Variants in PLAAT5 observed in about 807,000 individuals in gnomAD.
The protein encoded by PLAAT5 is phospholipase A and acyltransferase 5.
A neutral mutation model predicts 27.8 loss-of-function variants in PLAAT5; 27 were observed. The ratio of observed to expected loss-of-function variants is 0.97; its 90% CI spans 0.72 to 1.34. The LOEUF (loss-of-function observed/expected upper bound fraction) is 1.34, where lower values mean the gene tolerates loss of function less well. PLAAT5 is among the 40% of genes most tolerant of loss of function. The probability of loss-of-function intolerance (pLI) is 0.00; values close to 1 mark genes in which losing one functional copy is unlikely to be tolerated. For synonymous variants in PLAAT5, 125 were observed against 136.1 expected (o/e 0.92, Z 0.57); for missense variants, 368 against 343.8 (o/e 1.07, Z -0.56).
intron 3 of PLAAT5, among the ~76,000 whole-genome samples, chr11:63,478,054 C>G (rs1318991107): frequency 1.3e-5 from 2 of 152,164 alleles, no homozygotes; most frequent in African/African-American, 2.4e-5. Flanking sequence ...TTTTGGCAGG[C>G]CTGTTGGCCT....
chr11:63,491,056 GC>G lies in PLAAT5; in HGVS notation c.-23del. The G allele has an allele frequency of 2.8e-6, 4 of 1,419,196 alleles. No homozygotes were observed. The highest frequency in any genetic ancestry group is 2.5e-4 in the Middle Eastern group (1 of 3,934). 87.9% of individuals were successfully genotyped at this position (1,419,196 alleles called of 1,614,324 possible). On this transcript the variant is annotated 5_prime_UTR_variant, in exon 1 of 6. Transcript: ENST00000540857. ...CCATCCCGCCTCTGCGGCCTCGCCG[GC>G]CCCCAGGCCTTGCAGGGGACTACGC...
In PLAAT5 at chr11:63,490,993, G is replaced by T. The variant is rs774607233; in HGVS notation, c.42C>A (p.Arg14=). The change falls in exon 1 of 6, where the codon CGC becomes CGA. Residue 14 remains arginine (R), a synonymous_variant. Coordinates refer to ENST00000540857, the MANE Select transcript of PLAAT5 (RefSeq NM_001146729.2). ...SPGAEGEYAL[R]LPRIPPPLPK... The stretch of plus-strand genomic sequence containing the variant: ...GGAGGGGTGGGGGAATCCTAGGGAG[G>T]CGGAGCGCGTACTCCCCCTCGGCGC... 2.9e-5 allele frequency: 45 copies of T among 1,552,446 alleles called. No homozygotes were observed. In the South Asian group the frequency reaches 5.0e-4, roughly 17 times the overall value.
In PLAAT5 at chr11:63,490,973, G is replaced by A; in HGVS notation, c.62C>T (p.Pro21Leu). The part of the protein sequence containing the change: ...YALRLPRIPP[P>L]LPKPASRTAS... ...GGTTCGCGAGGCGGGTTTGGGGAGG[G>A]GTGGGGGAATCCTAGGGAGGCGGAG... The change falls in exon 1 of 6, where the codon CCC (proline) becomes CTC (leucine). Residue 21 changes from proline to leucine, a missense_variant. By Grantham distance (98) the Pro-to-Leu change is moderately conservative (BLOSUM62 -3). Transcript: ENST00000540857. The A allele has an allele frequency of 1.9e-6, 3 of 1,583,790 alleles. No homozygotes were observed. The highest frequency in any genetic ancestry group is 1.7e-6 in the Non-Finnish European group (2 of 1,165,468).
chr11:63,463,645 C>T lies in PLAAT5; in HGVS notation c.718-50G>A, dbSNP rs369900962. 3.6e-5 allele frequency: 53 copies of T among 1,459,890 alleles called. No individual in the cohort carries two copies. The African/African-American group carries it at 6.7e-4, about 18-fold the overall frequency. 90.4% of individuals were successfully genotyped at this position (1,459,890 alleles called of 1,614,324 possible). On this transcript the variant is annotated intron_variant, in intron 5 of 5. Transcript: ENST00000540857. ...ACAATCAGTACCAATCCTAGGCTTGCACCCTCCCCTACCTCCACCCCACCA... is the reference window on the plus strand; with the variant it reads ...ACAATCAGTACCAATCCTAGGCTTGTACCCTCCCCTACCTCCACCCCACCA...
intron 3 of PLAAT5, chr11:63,470,655 G>T (rs2015999007): frequency 1.3e-5 from 2 of 152,802 alleles, no homozygotes; most frequent in Non-Finnish European, 2.9e-5. Flanking sequence ...TCATACTAAA[G>T]AAAACCCCTA....
chr11:63,466,122 G>C lies in PLAAT5; in HGVS notation c.705C>G (p.Pro235=). The C allele has an allele frequency of 1.9e-6, 3 of 1,613,926 alleles. No homozygotes were observed. In the South Asian group the frequency reaches 3.3e-5, roughly 18 times the overall value. The part of the protein sequence containing the change: ...HFVNGLRYGV[P]RSQQVEHALM... ...AATGGGGTCACACCTGCTGGCTCCG[G>C]GGTACGCCATATCTGAGGCCATTGA... The change falls in exon 5 of 6, where the codon CCC becomes CCG. Residue 235 remains proline (P), a synonymous_variant. Transcript: ENST00000540857.
intron 3 of PLAAT5, among the ~76,000 whole-genome samples, chr11:63,485,605 A>G (rs1451316833): frequency 2.6e-5 from 4 of 152,168 alleles, no homozygotes; most frequent in Non-Finnish European, 5.9e-5. Context: ...CTCAACTCTC[A>G]CCTTCTACAA....
Position 63,471,238 on chromosome 11 carries a change from C to T in PLAAT5, c.346-2773G>A, listed in dbSNP as rs2016015868. Among the ~76,000 whole-genome samples the T allele has an allele frequency of 2.0e-5, 3 of 152,202 alleles. No homozygotes were observed. The East Asian group carries it at 5.8e-4, about 29-fold the overall frequency. On this transcript the variant is annotated intron_variant, in intron 3 of 5. Transcript: ENST00000540857. The stretch of plus-strand genomic sequence containing the variant: ...AGAACTAAGGTATAGACACTTCATA[C>T]ATTACACTAAATCAGAGTGTTGAGT...
At position 63,466,286 on chromosome 11, in the gene PLAAT5, C is replaced by T. The variant is rs373251089; in HGVS notation, c.541G>A (p.Gly181Ser). Residue 181 changes from glycine (G) to serine (S), a missense_variant, in exon 5 of 6, where the codon GGC becomes AGC. By Grantham distance (56) the Gly-to-Ser change is moderately conservative. Coordinates refer to ENST00000540857, the MANE Select transcript of PLAAT5 (RefSeq NM_001146729.2). ...KYSRLEDVLH[G>S]CSWKVNNKLD... is the part of the protein sequence containing the mutation. ...TTGTTATTGACCTTCCAGGAGCAGCCATGCAGCACATCCTCCAGACGACTG... is the reference window on the plus strand; with the variant it reads ...TTGTTATTGACCTTCCAGGAGCAGCTATGCAGCACATCCTCCAGACGACTG... 9 of 1,614,074 alleles carry T rather than the reference C, an allele frequency of 5.6e-6. No individual in the cohort carries two copies. The African/African-American group carries it at 1.1e-4, about 19-fold the overall frequency.
intron 5 of PLAAT5, among the ~76,000 whole-genome samples, chr11:63,464,739 A>G (rs2015812565): frequency 6.6e-6 from 1 of 152,206 alleles, no homozygotes; most frequent in African/African-American, 2.4e-5. Flanking sequence ...TAACATGAAT[A>G]GCCCAAGTTT....
chr11:63,491,114 G>T lies in PLAAT5; in HGVS notation c.-80C>A. ...CGAGTTCCCAGTCGGCGCGGCCCCT[G>T]GTCGGCGGAGCCGCGGAAGCTTGGG... On this transcript the variant is annotated 5_prime_UTR_variant, in exon 1 of 6. Transcript: ENST00000540857. 1 of 1,228,200 alleles carries T rather than the reference G, an allele frequency of 8.1e-7. No individual in the cohort carries two copies. Among genetic ancestry groups the T allele is most frequent in the South Asian group, 2.1e-5 (1 of 48,358 alleles). The allele number at this position is 1,228,200 out of a possible 1,614,324, so 76.1% of individuals were successfully genotyped here. A position where few individuals can be genotyped will look rare whatever the true frequency, so the allele number is the denominator to read the frequency against.
Position 63,463,497 on chromosome 11 carries a change from T to C in PLAAT5, c.*6A>G. On this transcript the variant is annotated 3_prime_UTR_variant, in exon 6 of 6. Transcript: ENST00000540857. Reference sequence around the variant, plus strand: ...ACTCTTCCTCTAGCTGGAGTTTTCATCACCTTCAGGCAGTTATTGGTTTGG... The same window carrying C: ...ACTCTTCCTCTAGCTGGAGTTTTCACCACCTTCAGGCAGTTATTGGTTTGG... The C allele has an allele frequency of 6.2e-7, 1 of 1,609,054 alleles. No homozygotes were observed.
At chr11:63,484,791 C>T (rs2016395465) in intron 3 of PLAAT5, among the ~76,000 whole-genome samples, 1 of 152,066 alleles carries the variant, frequency 6.6e-6, no homozygotes, top group South Asian at 2.1e-4. Flanking sequence ...AAGTCCTAGC[C>T]AGAGCAATCA....
At chr11:63,489,043 TA>T in intron 2 of PLAAT5, 67 bp from the exon 3 acceptor site, 1 of 1,136,228 alleles carries the variant, frequency 8.8e-7, no homozygotes, top group Non-Finnish European at 1.3e-6. Context: ...AAATCTGTAT[TA>T]CAGATTTGTG....
intron 4 of PLAAT5, among the ~76,000 whole-genome samples, chr11:63,467,735 C>A (rs141027088): frequency 6.6e-6 from 1 of 152,242 alleles, no homozygotes; most frequent in African/African-American, 2.4e-5. Context: ...AAGTTGTTTC[C>A]CATTTTGCTG....
At position 63,461,490 on chromosome 11, in the gene PLAAT5, G is replaced by C. The variant is rs1312325263; in HGVS notation, c.*2013C>G. Reference sequence around the variant, plus strand: ...TTCTCCTCTCCACTCCATGAGGAGTGGGCATGTGCTTTATTATATCAACAA... The same window carrying C: ...TTCTCCTCTCCACTCCATGAGGAGTCGGCATGTGCTTTATTATATCAACAA... On this transcript the variant is annotated 3_prime_UTR_variant, in exon 6 of 6. Transcript: ENST00000540857. The C allele has an allele frequency of 6.6e-6, 1 of 152,196 alleles. No individual in the cohort carries two copies. 9.4% of individuals were successfully genotyped at this position (152,196 alleles called of 1,614,324 possible).
chr11:63,487,973 G>A (rs1175394888), intron 3 of PLAAT5, among the ~76,000 whole-genome samples: 2 of 152,058 alleles, frequency 1.3e-5, no homozygotes, highest in African/African-American at 2.4e-5. Flanking sequence ...GTGAAACCCC[G>A]TCTCTACCAA....
At chr11:63,472,071 G>A (rs1590612082) in intron 3 of PLAAT5, among the ~76,000 whole-genome samples, 2 of 152,102 alleles carry the variant, frequency 1.3e-5, no homozygotes, top group Admixed American at 1.3e-4. Context: ...GAGAGCATCA[G>A]GAACAATAGT....
intron 3 of PLAAT5, among the ~76,000 whole-genome samples, chr11:63,488,124 G>A (rs187650524): frequency 8.9e-4 from 135 of 152,238 alleles, no homozygotes; most frequent in Non-Finnish European, 1.7e-3. Flanking sequence ...CAGCCTGGGC[G>A]ACAGAGCGAG....
Sources: allele counts gnomAD v4.1 joint callset (sites outside exome capture counted in the v4.1 genomes callset), GRCh38; gene constraint gnomAD v4.1.1; transcripts MANE v1.5; gene names NCBI Gene and HGNC (gene_info 2026-07-23, HGNC 2026-07-21).